ABI1: variants seen among roughly 807,000 people sequenced by gnomAD.
ABI1 encodes the protein Abelson interactor 1.
A neutral mutation model predicts 54.6 loss-of-function variants in ABI1; 14 were observed. The ratio of observed to expected loss-of-function variants is 0.26; its 90% CI spans 0.17 to 0.40. The LOEUF (loss-of-function observed/expected upper bound fraction) is 0.40. ABI1 is among the 10% of genes least tolerant of loss of function. The probability of loss-of-function intolerance (pLI) is 1.00; values close to 1 mark genes in which losing one functional copy is unlikely to be tolerated. For missense variants in ABI1, 443 were observed against 598.3 expected (o/e 0.74, Z 2.71); for synonymous variants, 194 against 209.3 (o/e 0.93, Z 0.63).
intron 9 of ABI1, 49 bp from the exon 10 acceptor site, chr10:26,751,832 A>C: frequency 6.7e-7 from 1 of 1,503,324 alleles, no homozygotes; most frequent in Non-Finnish European, 8.9e-7. Flanking sequence ...GTCTAGATGG[A>C]AACTTATAAG....
chr10:26,824,680 G>GT (rs2048196918), intron 1 of ABI1, among the ~76,000 whole-genome samples: 1 of 150,978 alleles, frequency 6.6e-6, no homozygotes, highest in South Asian at 2.1e-4. Flanking sequence ...GAAAATGCAT[G>GT]TTTTTTTAAA....
chr10:26,813,254 CA>C (rs753373576), intron 2 of ABI1, among the ~76,000 whole-genome samples: 3,785 of 134,408 alleles, frequency 0.028, 136 homozygotes, highest in African/African-American at 0.091. Context: ...ATCCCCCCGC[CA>C]AAAAAAAAAA....
intron 1 of ABI1, among the ~76,000 whole-genome samples, chr10:26,834,103 G>A (rs1367492063): frequency 1.3e-5 from 2 of 152,044 alleles, no homozygotes; most frequent in African/African-American, 4.8e-5. Flanking sequence ...GGTGGTACAC[G>A]CCTGTAATCC....
Position 26,770,026 on chromosome 10 carries a change from A to AAATGG in ABI1, c.578+218_578+219insCCATT, listed in dbSNP as rs1840473586. On this transcript the variant is annotated intron_variant, in intron 5 of 10. Coordinates refer to ENST00000376140, the MANE Select transcript of ABI1 (RefSeq NM_001012750.3). ...AAAATAAATCATGCCATTTATACAT[A>AAATGG]CATAAAAACTTTCCTAGTACAGATT... Among the ~76,000 whole-genome samples, 7 of 152,356 alleles carry AAATGG rather than the reference A, an allele frequency of 4.6e-5. No homozygotes were observed. In the South Asian group the frequency reaches 1.4e-3, roughly 32 times the overall value.
chr10:26,774,790 C>T (rs77534026), intron 3 of ABI1, among the ~76,000 whole-genome samples: 581 of 151,752 alleles, frequency 3.8e-3, no homozygotes, highest in Admixed American at 7.3e-3. Context: ...AAGCATGAAG[C>T]CTAGTAGCGA....
At chr10:26,845,814 C>T (rs907646507) in intron 1 of ABI1, among the ~76,000 whole-genome samples, 6 of 141,114 alleles carry the variant, frequency 4.3e-5, no homozygotes, top group Admixed American at 4.2e-4. Flanking sequence ...AAATAATAGT[C>T]ACAGTCTACC....
At chr10:26,793,206 CAGA>C (rs1408787569) in intron 2 of ABI1, among the ~76,000 whole-genome samples, 2 of 152,162 alleles carry the variant, frequency 1.3e-5, no homozygotes, top group Admixed American at 6.5e-5. Context: ...ATAAAAAGGG[CAGA>C]AGAAGAGAGT....
intron 1 of ABI1, among the ~76,000 whole-genome samples, chr10:26,851,389 C>CTTTTTTTTTTTTT (rs2050382481): frequency 1.4e-5 from 1 of 74,036 alleles, no homozygotes; most frequent in African/African-American, 5.6e-5. Context: ...CAGGGTCTTG[C>CTTTTTTTTTTTTT]TTTGTTACCC....
At chr10:26,826,592 A>G (rs1266875839) in intron 1 of ABI1, among the ~76,000 whole-genome samples, 2 of 152,176 alleles carry the variant, frequency 1.3e-5, no homozygotes, top group African/African-American at 2.4e-5. Context: ...TCCCTGTAAA[A>G]GCCCTAGACG....
intron 2 of ABI1, among the ~76,000 whole-genome samples, chr10:26,791,593 G>T (rs1010013522): frequency 6.6e-6 from 1 of 152,168 alleles, no homozygotes; most frequent in Non-Finnish European, 1.5e-5. Flanking sequence ...CTAGAAGGGA[G>T]GAGGGTAACT....
chr10:26,859,306 G>A (rs1206612563), intron 1 of ABI1, among the ~76,000 whole-genome samples: 3 of 151,964 alleles, frequency 2.0e-5, no homozygotes, highest in African/African-American at 2.4e-5. Flanking sequence ...TTACTAACAT[G>A]AAAACTGAGA....
chr10:26,794,473 A>G (rs760943145), intron 2 of ABI1, among the ~76,000 whole-genome samples: 8 of 152,044 alleles, frequency 5.3e-5, no homozygotes, highest in Non-Finnish European at 1.2e-4. Flanking sequence ...CTAATGACTA[A>G]GAGTTGAGTT....
chr10:26,764,838 T>C (rs1301464250), intron 7 of ABI1, among the ~76,000 whole-genome samples: 3 of 152,242 alleles, frequency 2.0e-5, no homozygotes, highest in African/African-American at 7.2e-5. Flanking sequence ...AGGATGTGTG[T>C]AGGTTATATG....
intron 2 of ABI1, among the ~76,000 whole-genome samples, chr10:26,801,471 CG>C: frequency 6.6e-6 from 1 of 151,812 alleles, no homozygotes; most frequent in African/African-American, 2.4e-5. Flanking sequence ...GACTTGAGCC[CG>C]GGACGCAGAG....
At chr10:26,758,761 T>C (rs1838706304) in intron 8 of ABI1, among the ~76,000 whole-genome samples, 1 of 152,238 alleles carries the variant, frequency 6.6e-6, no homozygotes, top group South Asian at 2.1e-4. Context: ...AATGTTTTTG[T>C]TCTCTAGTTC....
At chr10:26,849,047 T>C (rs959738782) in intron 1 of ABI1, among the ~76,000 whole-genome samples, 1 of 152,234 alleles carries the variant, frequency 6.6e-6, no homozygotes, top group African/African-American at 2.4e-5. Context: ...GTATTAAGTC[T>C]ACTGAACCAA....
intron 1 of ABI1, among the ~76,000 whole-genome samples, chr10:26,827,340 G>A (rs2048368386): frequency 6.6e-6 from 1 of 151,742 alleles, no homozygotes; most frequent in Non-Finnish European, 1.5e-5. Flanking sequence ...TCCTGCCTCA[G>A]CCTCCCAAGC....
chr10:26,830,959 C>T (rs541254636), intron 1 of ABI1, among the ~76,000 whole-genome samples: 77 of 152,214 alleles, frequency 5.1e-4, no homozygotes, highest in African/African-American at 1.7e-3. Flanking sequence ...TGCAGTGGCA[C>T]GATCATAGTT....
intron 3 of ABI1, among the ~76,000 whole-genome samples, chr10:26,776,415 C>T (rs1264192853): frequency 6.6e-6 from 1 of 152,144 alleles, no homozygotes; most frequent in Non-Finnish European, 1.5e-5. Context: ...ATAGTTTATC[C>T]TGAGCAGAGA....
Sources: gnomAD v4.1 joint callset for allele counts (sites outside exome capture counted in the v4.1 genomes callset) on GRCh38, gnomAD v4.1.1 for gene constraint, MANE v1.5 for transcripts, NCBI Gene and HGNC (gene_info 2026-07-23, HGNC 2026-07-21) for gene names.